Variants in IL7 observed in about 807,000 individuals in gnomAD.
IL7 encodes the protein interleukin-7.
In IL7, 3 loss-of-function variants were observed where a neutral mutation model predicts 21.6. That is an observed-to-expected ratio of 0.14 (90% CI 0.06 to 0.36). The LOEUF (loss-of-function observed/expected upper bound fraction) is 0.36. Ranked by LOEUF, IL7 falls within the 10% of genes least tolerant of loss-of-function variation. The pLI, the probability that IL7 is intolerant of heterozygous loss-of-function variation, is 1.00. For missense variants in IL7, 175 were observed against 200.2 expected, an observed-to-expected ratio of 0.87 and a Z score of 0.76; for synonymous variants, 62 against 68.1, an observed-to-expected ratio of 0.91 and a Z score of 0.44.
chr8:78,805,341 G>A lies in IL7; in HGVS notation c.-419C>T, dbSNP rs991142860. ...CGAATCACCGCAGGAAAAACCAGCT[G>A]GCCTGAATCAAAGCAATTCTGGGTA... On this transcript the variant is annotated 5_prime_UTR_variant, in exon 1 of 6. Transcript: ENST00000263851. 1.2e-5 allele frequency: 2 copies of A among 165,138 alleles called. No individual in the cohort carries two copies. The highest frequency in any genetic ancestry group is 4.8e-5 in the African/African-American group (2 of 41,918). 10.2% of individuals were successfully genotyped at this position (165,138 alleles called of 1,614,324 possible).
intron 3 of IL7, among the ~76,000 whole-genome samples, chr8:78,708,894 G>A (rs1272613526): frequency 5.9e-5 from 9 of 151,854 alleles, no homozygotes; most frequent in Non-Finnish European, 1.2e-4. Flanking sequence ...TCAAACTTCC[G>A]ACCTCAAGTG....
chr8:78,715,020 G>A (rs533459371), downstream of IL7, among the ~76,000 whole-genome samples: 1 of 152,122 alleles, frequency 6.6e-6, no homozygotes, highest in Non-Finnish European at 1.5e-5. Flanking sequence ...TATCAGAATA[G>A]TATTAGTAAA....
chr8:78,736,197 G>A (rs926542197), intron 5 of IL7, among the ~76,000 whole-genome samples: 33 of 147,588 alleles, frequency 2.2e-4, no homozygotes, highest in Admixed American at 1.9e-3. Context: ...TTTCTTTTAC[G>A]TGCTAGCTGC....
chr8:78,684,893 T>A (rs1809914490), intron 4 of IL7, among the ~76,000 whole-genome samples: 1 of 152,210 alleles, frequency 6.6e-6, no homozygotes, highest in African/African-American at 2.4e-5. Context: ...TATTCTTGTA[T>A]AGGTAGACTC....
chr8:78,687,634 T>TA (rs1810042590), intron 3 of IL7, among the ~76,000 whole-genome samples: 1 of 130,594 alleles, frequency 7.7e-6, no homozygotes, highest in Admixed American at 8.7e-5. Flanking sequence ...ACGTAATACA[T>TA]TATATATATA....
intron 3 of IL7, among the ~76,000 whole-genome samples, chr8:78,699,551 A>C (rs952389342): frequency 1.3e-5 from 2 of 152,066 alleles, no homozygotes; most frequent in Admixed American, 1.3e-4. Context: ...TGTTGTATGC[A>C]TTATTTCATC....
chr8:78,697,483 G>A lies in IL7; in HGVS notation n.215-11536C>T, dbSNP rs1391875317. 4 of 1,608,304 alleles carry A rather than the reference G, an allele frequency of 2.5e-6. No individual in the cohort carries two copies. The highest frequency in any genetic ancestry group is 2.7e-5 in the African/African-American group (2 of 74,428). The stretch of plus-strand genomic sequence containing the variant: ...GGATCTTCACGATTACCGCAGCCAA[G>A]TGGCGCTGGCAAAACTGTTGTAGGT... On this transcript the variant is annotated intron_variant and non_coding_transcript_variant, in intron 3 of 4. Transcript: ENST00000523959.
chr8:78,784,405 C>A (rs1813442426), intron 2 of IL7, among the ~76,000 whole-genome samples: 1 of 152,108 alleles, frequency 6.6e-6, no homozygotes, highest in Non-Finnish European at 1.5e-5. Context: ...TACCAAAGTC[C>A]ATGGTTCTTT....
rs150073288 is a variant in IL7, at chr8:78,802,681, C to A, written c.10+2232G>T. ...CTCCTGACCTAAGGTGATCTGCCCA[C>A]CTCAGCCTCCCCAAGTGTTGGGATT... On this transcript the variant is annotated intron_variant, in intron 1 of 5. Coordinates refer to ENST00000263851, the MANE Select transcript of IL7 (RefSeq NM_000880.4). Among the ~76,000 whole-genome samples the A allele has an allele frequency of 8.7e-3, 1,332 of 152,256 alleles. 15 individuals carry two copies. The highest frequency in any genetic ancestry group is 0.03 in the African/African-American group (1,256 of 41,542).
intron 2 of IL7, among the ~76,000 whole-genome samples, chr8:78,776,353 T>C (rs1446938709): frequency 2.0e-5 from 3 of 152,112 alleles, no homozygotes; most frequent in African/African-American, 4.8e-5. Context: ...GATTTCATCA[T>C]GCTACTCAGA....
At chr8:78,779,864 T>A (rs1009721698) in intron 2 of IL7, among the ~76,000 whole-genome samples, 7 of 152,110 alleles carry the variant, frequency 4.6e-5, no homozygotes, top group African/African-American at 1.7e-4. Flanking sequence ...ATCTGTCTGG[T>A]CGCGGGTTTT....
Position 78,770,892 on chromosome 8 carries a change from A to G in IL7, c.147+27180T>C, listed in dbSNP as rs1354578006. On this transcript the variant is annotated intron_variant, in intron 2 of 5. Transcript: ENST00000263851. ...GCCTTTAAGTTCCTATCTGATGGAG[A>G]TAAACTCCTCTGAAAGCACCATGTA... 1.3e-5 allele frequency among the ~76,000 whole-genome samples: 2 copies of G among 152,080 alleles called. 1 individual carries two copies. Among genetic ancestry groups the G allele is most frequent in the African/African-American group, 4.8e-5 (2 of 41,436 alleles).
At chr8:78,700,613 G>T (rs1050683813) in intron 3 of IL7, among the ~76,000 whole-genome samples, 3 of 152,016 alleles carry the variant, frequency 2.0e-5, no homozygotes, top group Admixed American at 6.6e-5. Flanking sequence ...TGGCTAGGTT[G>T]TCTTCCAGGG....
At chr8:78,778,152 A>G (rs1813195464) in intron 2 of IL7, among the ~76,000 whole-genome samples, 1 of 152,096 alleles carries the variant, frequency 6.6e-6, no homozygotes, top group Non-Finnish European at 1.5e-5. Context: ...TAAACCTCAT[A>G]GTCTGGTAAA....
downstream of IL7, among the ~76,000 whole-genome samples, chr8:78,728,630 T>C (rs1279620004): frequency 6.6e-6 from 1 of 152,054 alleles, no homozygotes; most frequent in African/African-American, 2.4e-5. Flanking sequence ...TGAACCTAAA[T>C]GTAAAACATA....
chr8:78,728,002 A>G (rs1016848072), downstream of IL7, among the ~76,000 whole-genome samples: 2 of 152,026 alleles, frequency 1.3e-5, no homozygotes, highest in African/African-American at 4.8e-5. Flanking sequence ...GAATATTACA[A>G]TACCATTTGT....
At chr8:78,754,731 T>G (rs1812292294) in intron 2 of IL7, among the ~76,000 whole-genome samples, 1 of 152,168 alleles carries the variant, frequency 6.6e-6, no homozygotes, top group African/African-American at 2.4e-5. Flanking sequence ...ATTCTGAAAA[T>G]TAATCCCTTG....
chr8:78,802,128 G>C (rs1271759073), intron 1 of IL7, among the ~76,000 whole-genome samples: 2 of 152,166 alleles, frequency 1.3e-5, no homozygotes, highest in African/African-American at 4.8e-5. Context: ...AAGGAGGTCT[G>C]TCTAAAAATT....
intron 3 of IL7, among the ~76,000 whole-genome samples, chr8:78,687,748 T>A (rs1810056134): frequency 6.7e-5 from 4 of 59,712 alleles, no homozygotes; most frequent in Non-Finnish European, 1.0e-4. Flanking sequence ...ATGTAATACA[T>A]TATATATATT....
Sources: gnomAD v4.1 joint callset for allele counts (sites outside exome capture counted in the v4.1 genomes callset) on GRCh38, gnomAD v4.1.1 for gene constraint, MANE v1.5 for transcripts, NCBI Gene and HGNC (gene_info 2026-07-23, HGNC 2026-07-21) for gene names.